TAFA2: variants seen among roughly 807,000 people sequenced by gnomAD.
The protein encoded by TAFA2 is TAFA chemokine like family member 2.
In TAFA2, 7 loss-of-function variants were observed where a neutral mutation model predicts 18.8. The ratio of observed to expected loss-of-function variants is 0.37; its 90% CI spans 0.21 to 0.70. TAFA2 has a LOEUF of 0.70. TAFA2 is among the 30% of genes least tolerant of loss of function. TAFA2 has a pLI of 0.53. For missense variants in TAFA2, 122 were observed against 158.1 expected (o/e 0.77, Z 1.23); for synonymous variants, 60 against 54.2 (o/e 1.11, Z -0.47).
intron 1 of TAFA2, among the ~76,000 whole-genome samples, chr12:61,967,321 C>T (rs1356595116): frequency 6.6e-6 from 1 of 151,750 alleles, no homozygotes; most frequent in Non-Finnish European, 1.5e-5. Context: ...CAAGTAATGA[C>T]AGAGGCTGGG....
chr12:62,235,307 G>C (rs2062831835), intron 1 of TAFA2: 1 of 668,060 alleles, frequency 1.5e-6, no homozygotes, highest in East Asian at 2.5e-5. Flanking sequence ...ACAACAAGGG[G>C]GCCCTCGGCA....
At chr12:62,074,269 T>C (rs752578485) in intron 1 of TAFA2, among the ~76,000 whole-genome samples, 57 of 151,998 alleles carry the variant, frequency 3.8e-4, no homozygotes, top group Non-Finnish European at 7.5e-4. Flanking sequence ...AGGCACAGAG[T>C]TTTTCCAGCA....
chr12:62,038,410 A>T (rs1311578821), intron 1 of TAFA2, among the ~76,000 whole-genome samples: 2 of 152,198 alleles, frequency 1.3e-5, no homozygotes, highest in Non-Finnish European at 2.9e-5. Context: ...GACTGAAAAT[A>T]TTCAGAAAAG....
At chr12:61,772,233 T>C (rs1461863004) in intron 2 of TAFA2, among the ~76,000 whole-genome samples, 6 of 151,740 alleles carry the variant, frequency 4.0e-5, no homozygotes, top group Non-Finnish European at 5.9e-5. Context: ...GAAATGGTAA[T>C]AAAAAATTGC....
chr12:62,122,186 T>C (rs932250583), intron 1 of TAFA2, among the ~76,000 whole-genome samples: 4 of 152,176 alleles, frequency 2.6e-5, no homozygotes, highest in Non-Finnish European at 5.9e-5. Flanking sequence ...AGTTTACCTA[T>C]GTAAAAAACC....
chr12:62,166,229 C>A (rs1448139203), intron 1 of TAFA2, among the ~76,000 whole-genome samples: 1 of 152,056 alleles, frequency 6.6e-6, no homozygotes, highest in African/African-American at 2.4e-5. Context: ...CTAGTTCTCA[C>A]CTATAAGATT....
At chr12:62,255,382 TTA>T (rs1453333758) in intron 1 of TAFA2, 2 of 152,224 alleles carry the variant, frequency 1.3e-5, no homozygotes, top group African/African-American at 4.8e-5. Flanking sequence ...AACCTTGATT[TTA>T]TCTATATCAC....
At chr12:62,256,758 C>T (rs2062941079) in intron 1 of TAFA2, among the ~76,000 whole-genome samples, 3 of 152,254 alleles carry the variant, frequency 2.0e-5, no homozygotes, top group South Asian at 4.1e-4. Flanking sequence ...AAAAGTGCCT[C>T]GTGGCACTTA....
intron 1 of TAFA2, among the ~76,000 whole-genome samples, chr12:62,158,487 G>C (rs1310576762): frequency 6.6e-6 from 1 of 152,182 alleles, no homozygotes; most frequent in Non-Finnish European, 1.5e-5. Context: ...CACGTAAGAA[G>C]CTATTTTTCC....
intron 1 of TAFA2, among the ~76,000 whole-genome samples, chr12:62,105,353 C>T (rs898663349): frequency 6.6e-6 from 1 of 152,074 alleles, no homozygotes; most frequent in Non-Finnish European, 1.5e-5. Context: ...TCTTAATAAG[C>T]CTTTGTTTTC....
intron 1 of TAFA2, among the ~76,000 whole-genome samples, chr12:62,176,258 GT>G (rs1251785223): frequency 6.6e-6 from 1 of 152,114 alleles, no homozygotes; most frequent in Non-Finnish European, 1.5e-5. Flanking sequence ...TATAACTAAT[GT>G]TTTCATAAGG....
At chr12:61,955,617 AAAAAAAAAAAAAAAAATATATATAT>A (rs1878635969) in intron 1 of TAFA2, among the ~76,000 whole-genome samples, 1 of 29,300 alleles carries the variant, frequency 3.4e-5, no homozygotes, top group South Asian at 2.1e-3. Flanking sequence ...AAAAAAAAAA[AAAAAAAAAAAAAAAAATATATATAT>A]ATATATATAT....
chr12:62,016,714 T>C (rs922454617), intron 1 of TAFA2, among the ~76,000 whole-genome samples: 1 of 152,120 alleles, frequency 6.6e-6, no homozygotes, highest in Non-Finnish European at 1.5e-5. Flanking sequence ...TTCATACCGA[T>C]AGCAAAACCA....
chr12:62,161,513 T>C (rs1174337173), intron 1 of TAFA2, among the ~76,000 whole-genome samples: 2 of 152,024 alleles, frequency 1.3e-5, no homozygotes, highest in Non-Finnish European at 2.9e-5. Context: ...CACATGGACA[T>C]AGAGAGTGGA....
chr12:62,001,760 G>A (rs1880384965), intron 1 of TAFA2, among the ~76,000 whole-genome samples: 1 of 151,960 alleles, frequency 6.6e-6, no homozygotes, highest in African/African-American at 2.4e-5. Flanking sequence ...AGGGGTTGGG[G>A]ACCCCTAATA....
At chr12:61,903,015 C>T (rs1052054760) in intron 1 of TAFA2, among the ~76,000 whole-genome samples, 2 of 152,026 alleles carry the variant, frequency 1.3e-5, no homozygotes, top group Admixed American at 6.6e-5. Context: ...CTATTCTTGC[C>T]CAACGCTGAC....
intron 1 of TAFA2, among the ~76,000 whole-genome samples, chr12:61,924,055 A>G (rs906640503): frequency 6.6e-6 from 1 of 151,876 alleles, no homozygotes; most frequent in African/African-American, 2.4e-5. Context: ...AAAGAAAAGG[A>G]ACGAACAAAG....
chr12:61,926,899 T>C (rs376902939), intron 1 of TAFA2, among the ~76,000 whole-genome samples: 13 of 151,798 alleles, frequency 8.6e-5, no homozygotes, highest in African/African-American at 3.1e-4. Context: ...GGTGAAATCC[T>C]GTCTCTACTT....
At chr12:61,869,456 C>T (rs183515154) in intron 1 of TAFA2, among the ~76,000 whole-genome samples, 1 of 152,238 alleles carries the variant, frequency 6.6e-6, no homozygotes, top group Non-Finnish European at 1.5e-5. Flanking sequence ...TAGCATTTTC[C>T]TAAATTCACT....
Sources: allele counts gnomAD v4.1 joint callset (sites outside exome capture counted in the v4.1 genomes callset), GRCh38; gene constraint gnomAD v4.1.1; transcripts MANE v1.5; gene names NCBI Gene and HGNC (gene_info 2026-07-23, HGNC 2026-07-21).